The following ANKRD20A1 variants were observed in gnomAD, a reference collection of about 807,000 sequenced individuals.
ANKRD20A1 encodes the protein ankyrin repeat domain-containing protein 20A1.
Under a neutral mutation model 50.9 loss-of-function variants are expected in ANKRD20A1, and 2 were observed. The observed-to-expected ratio is 0.04, with a 90% CI of 0.02 to 0.12. The LOEUF (loss-of-function observed/expected upper bound fraction) is 0.12, where lower values mean the gene tolerates loss of function less well. Ranked by LOEUF, ANKRD20A1 falls within the 10% of genes least tolerant of loss-of-function variation. ANKRD20A1 has a pLI of 1.00. For missense variants in ANKRD20A1, 31 were observed against 548.1 expected, an observed-to-expected ratio of 0.06 and a Z score of 9.42; for synonymous variants, 10 against 186.2, an observed-to-expected ratio of 0.05 and a Z score of 7.70.
chr9:67,882,831 C>G (rs1417527145), intron 8 of ANKRD20A1, among the ~76,000 whole-genome samples: 2 of 150,090 alleles, frequency 1.3e-5, no homozygotes, highest in South Asian at 2.1e-4. Flanking sequence ...GTTCCCCATC[C>G]TGTGTCCAGG....
chr9:67,883,170 T>C (rs1490697916), intron 8 of ANKRD20A1, among the ~76,000 whole-genome samples: 1 of 151,074 alleles, frequency 6.6e-6, no homozygotes, highest in Non-Finnish European at 1.5e-5. Flanking sequence ...GATGGCTGGG[T>C]CAAATGGTAT....
chr9:67,900,529 G>A lies in ANKRD20A1; in HGVS notation c.1534G>A (p.Asp512Asn), dbSNP rs1253456762. Residue 512 changes from aspartate (D) to asparagine (N), a missense_variant, in exon 15 of 15, where the codon GAT (aspartate) becomes AAT (asparagine). Physicochemically the swap from Asp to Asn is conservative, Grantham distance 23. Transcript: ENST00000562196. ...HNHEEMKGLM[D>N]ENCILKADIA... Reference sequence around the variant, plus strand: ...TCATGAAGAAATGAAAGGTCTGATGGATGAAAATTGCATTTTGAAGGCAGA... The same window carrying A: ...TCATGAAGAAATGAAAGGTCTGATGAATGAAAATTGCATTTTGAAGGCAGA... 1.0e-6 allele frequency: 1 copy of A among 968,410 alleles called. No individual in the cohort carries two copies. The highest frequency in any genetic ancestry group is 1.8e-5 in the African/African-American group (1 of 56,900). The allele number at this position is 968,410 out of a possible 1,614,324, so 60.0% of individuals were successfully genotyped here. A position where few individuals can be genotyped will look rare whatever the true frequency, so the allele number is the denominator to read the frequency against.
chr9:67,896,478 G>C lies in ANKRD20A1; in HGVS notation c.1153-1081G>C. ...AATAAAGTATGGTGAGTTTTGGCAT[G>C]TATGATTTTTATCATATAAGAAGCA... On this transcript the variant is annotated intron_variant, in intron 12 of 14. Transcript: ENST00000562196. Among the ~76,000 whole-genome samples, 2 of 89,314 alleles carry C rather than the reference G, an allele frequency of 2.2e-5. 1 individual carries two copies. Among genetic ancestry groups the C allele is most frequent in the Non-Finnish European group, 5.0e-5 (2 of 40,196 alleles). 58.6% of individuals were successfully genotyped at this position (89,314 alleles called of 152,430 possible).
chr9:67,898,467 CTTA>C (rs1173388883), intron 13 of ANKRD20A1, among the ~76,000 whole-genome samples: 1 of 138,242 alleles, frequency 7.2e-6, no homozygotes, highest in African/African-American at 2.5e-5. Context: ...CATACACACA[CTTA>C]TTAATATATA....
Position 67,861,497 on chromosome 9 carries a change from A to T in ANKRD20A1, c.204-1444A>T, listed in dbSNP as rs1287665578. On this transcript the variant is annotated intron_variant, in intron 1 of 14. Transcript: ENST00000562196. Reference sequence around the variant, plus strand: ...ATCCATTCTTTCATTCCATTTATGGATCAAGCATAACCTGAGTACCTGCTA... The same window carrying T: ...ATCCATTCTTTCATTCCATTTATGGTTCAAGCATAACCTGAGTACCTGCTA... Among the ~76,000 whole-genome samples the T allele has an allele frequency of 2.6e-4, 12 of 46,116 alleles. 5 individuals carry two copies. Among genetic ancestry groups the T allele is most frequent in the East Asian group, 1.7e-3 (4 of 2,354 alleles). 30.3% of individuals were successfully genotyped at this position (46,116 alleles called of 152,430 possible).
chr9:67,890,445 G>T lies in ANKRD20A1; in HGVS notation c.1081+2977G>T, dbSNP rs1277368159. ...CAATTATTAGGTACAACTGTATGCA[G>T]TGTCACTAAAAATACCTTCCAAAAC... On this transcript the variant is annotated intron_variant, in intron 11 of 14. Coordinates refer to ENST00000562196, the MANE Select transcript of ANKRD20A1 (RefSeq NM_032250.5). Among the ~76,000 whole-genome samples, 3 of 152,124 alleles carry T rather than the reference G, an allele frequency of 2.0e-5. No homozygotes were observed. In the East Asian group the frequency reaches 5.8e-4, roughly 29 times the overall value.
intron 13 of ANKRD20A1, among the ~76,000 whole-genome samples, chr9:67,898,754 T>C (rs1199431182): frequency 2.2e-5 from 1 of 46,378 alleles, no homozygotes; most frequent in Non-Finnish European, 4.7e-5. Context: ...AGTGAACTTA[T>C]ACGCTTGTCA....
At chr9:67,881,688 A>T (rs1439392113) in intron 8 of ANKRD20A1, among the ~76,000 whole-genome samples, 1 of 152,156 alleles carries the variant, frequency 6.6e-6, no homozygotes, top group Non-Finnish European at 1.5e-5. Context: ...CCAGCTGCTC[A>T]GGAGGCCAAG....
intron 4 of ANKRD20A1, among the ~76,000 whole-genome samples, chr9:67,868,090 C>A (rs1245617029): frequency 7.9e-6 from 1 of 126,202 alleles, no homozygotes; most frequent in Non-Finnish European, 1.7e-5. Flanking sequence ...ACTAGGAAAG[C>A]AACGGGGAAA....
At chr9:67,865,529 A>G (rs749267155) in intron 3 of ANKRD20A1, among the ~76,000 whole-genome samples, 2,363 of 143,554 alleles carry the variant, frequency 0.016, no homozygotes, top group Middle Eastern at 0.04. Context: ...CGAATATAAA[A>G]AAAACAAGGG....
intron 9 of ANKRD20A1, among the ~76,000 whole-genome samples, chr9:67,884,841 G>A (rs1316094720): frequency 9.3e-5 from 14 of 151,310 alleles, no homozygotes; most frequent in Non-Finnish European, 1.8e-4. Context: ...AGTGAGCGGA[G>A]ATACCACCAC....
rs1300633622 is a variant in ANKRD20A1, at chr9:67,886,638, A to G, written c.980-638A>G. Among the ~76,000 whole-genome samples, 13 of 82,810 alleles carry G rather than the reference A, an allele frequency of 1.6e-4. 2 individuals are homozygous for G. Among genetic ancestry groups the G allele is most frequent in the Admixed American group, 1.5e-3 (9 of 5,882 alleles). The allele number at this position is 82,810 out of a possible 152,430, so 54.3% of individuals were successfully genotyped here. A position where few individuals can be genotyped will look rare whatever the true frequency, so the allele number is the denominator to read the frequency against. ...TCAAGGAGCTCTAACTCAAGGCCAA[A>G]TGAGGGGATAGGAGAAATGTAGGTG... On this transcript the variant is annotated intron_variant, in intron 9 of 14. Transcript: ENST00000562196.
At chr9:67,884,331 G>T (rs1221038263) in intron 8 of ANKRD20A1, among the ~76,000 whole-genome samples, 155 bp from the exon 9 acceptor site, 1 of 148,796 alleles carries the variant, frequency 6.7e-6, no homozygotes, top group East Asian at 2.1e-4. Flanking sequence ...TTGAGGTCAG[G>T]AGTTTGAGAC....
At chr9:67,871,390 C>A (rs1435390118) in intron 6 of ANKRD20A1, among the ~76,000 whole-genome samples, 178 bp downstream of exon 6, 4 of 136,308 alleles carry the variant, frequency 2.9e-5, no homozygotes, top group East Asian at 4.6e-4. Context: ...TAAAATTTAA[C>A]TTCTTTAGTT....
chr9:67,897,745 T>A (rs1343932865), intron 13 of ANKRD20A1, 23 bp downstream of exon 13: 1 of 1,306,616 alleles, frequency 7.7e-7, no homozygotes, highest in Non-Finnish European at 9.8e-7. Context: ...CAGTGTTTTT[T>A]TTTTTGTTTG....
At chr9:67,875,813 T>TAAAAA (rs1470194293) in intron 6 of ANKRD20A1, among the ~76,000 whole-genome samples, 1 of 93,166 alleles carries the variant, frequency 1.1e-5, no homozygotes, top group African/African-American at 3.6e-5. Context: ...TTTGAATAGT[T>TAAAAA]AAAAAATTAA....
intron 8 of ANKRD20A1, among the ~76,000 whole-genome samples, chr9:67,881,221 C>G (rs1255728430): frequency 6.9e-6 from 1 of 144,790 alleles, no homozygotes; most frequent in Non-Finnish European, 1.5e-5. Context: ...TGAGAACAGC[C>G]TGGGCAACAT....
Position 67,884,507 on chromosome 9 carries a change from T to C in ANKRD20A1, c.916T>C (p.Ser306Pro). The C allele has an allele frequency of 6.3e-7, 1 of 1,589,960 alleles. No individual in the cohort carries two copies. The highest frequency in any genetic ancestry group is 8.5e-7 in the Non-Finnish European group (1 of 1,177,524). The change falls in exon 9 of 15, where the codon TCA becomes CCA. Residue 306 changes from serine (S) to proline (P), a missense_variant. Transcript: ENST00000562196. Reference protein sequence around the residue: ...ATKQCVPEKVSEPLPGSSHEK... With the variant: ...ATKQCVPEKVPEPLPGSSHEK... ...TTAGCAGTGTGTCCCCGAGAAAGTG[T>C]CAGAGCCTTTACCTGGATCTTCGCA... is the stretch of plus-strand genomic sequence containing the variant.
intron 12 of ANKRD20A1, among the ~76,000 whole-genome samples, chr9:67,893,995 T>C (rs1329832807): frequency 2.6e-5 from 4 of 152,296 alleles, no homozygotes; most frequent in Non-Finnish European, 5.9e-5. Flanking sequence ...TTATTCTGTT[T>C]TGTGGTCACC....
Sources: allele counts gnomAD v4.1 joint callset (sites outside exome capture counted in the v4.1 genomes callset), GRCh38; gene constraint gnomAD v4.1.1; transcripts MANE v1.5; gene names NCBI Gene and HGNC (gene_info 2026-07-23, HGNC 2026-07-21).